Variants in MBP observed in about 807,000 individuals in gnomAD.
The protein encoded by MBP is myelin basic protein.
Under a neutral mutation model 35.8 loss-of-function variants are expected in MBP, and 16 were observed. The ratio of observed to expected loss-of-function variants is 0.45; its 90% CI spans 0.30 to 0.68. The LOEUF is 0.68. Ranked by LOEUF, MBP falls within the 30% of genes least tolerant of loss-of-function variation. The probability of loss-of-function intolerance (pLI) is 0.08; values close to 1 mark genes in which losing one functional copy is unlikely to be tolerated. For synonymous variants in MBP, 143 were observed against 159.6 expected, an observed-to-expected ratio of 0.90 and a Z score of 0.78; for missense variants, 380 against 404.7, an observed-to-expected ratio of 0.94 and a Z score of 0.52.
At chr18:77,030,850 G>A (rs1168871075) in intron 3 of MBP, among the ~76,000 whole-genome samples, 1 of 152,204 alleles carries the variant, frequency 6.6e-6, no homozygotes, top group Non-Finnish European at 1.5e-5. Flanking sequence ...CTAGATTCCT[G>A]TAACTGACCC....
At chr18:77,025,154 G>GT (rs1192094136) in intron 3 of MBP, among the ~76,000 whole-genome samples, 1 of 152,170 alleles carries the variant, frequency 6.6e-6, no homozygotes, top group Non-Finnish European at 1.5e-5. Context: ...AACTCCCTCC[G>GT]TATGTTCTAG....
chr18:77,093,903 C>T (rs1258288993), intron 2 of MBP, among the ~76,000 whole-genome samples: 2 of 152,180 alleles, frequency 1.3e-5, no homozygotes, highest in African/African-American at 4.8e-5. Flanking sequence ...TCAAGTCAGA[C>T]ATGGCTCCAT....
rs1048307794 is a variant in MBP at position 76,988,698 on chromosome 18, G to A, written c.718-171C>T. Reference sequence around the variant, plus strand: ...AGGGCCACAGCGGCTGTGCAGGTGCGGGAGGGACAGGAGGGGTGCATGGAT... The same window carrying A: ...AGGGCCACAGCGGCTGTGCAGGTGCAGGAGGGACAGGAGGGGTGCATGGAT... On this transcript the variant is annotated intron_variant, in intron 6 of 8. Transcript: ENST00000355994. The surrounding 1 kb of genome is among the most constrained non-coding windows in gnomAD (Gnocchi z 5.2). The A allele has an allele frequency of 2.2e-6, 3 of 1,376,942 alleles. No individual in the cohort carries two copies. Among genetic ancestry groups the A allele is most frequent in the Admixed American group, 2.2e-5 (1 of 45,772 alleles). 85.3% of individuals were successfully genotyped at this position (1,376,942 alleles called of 1,614,324 possible). A position where few individuals can be genotyped will look rare whatever the true frequency, so the allele number is the denominator to read the frequency against.
At chr18:77,079,183 C>T (rs1974784387) in intron 2 of MBP, among the ~76,000 whole-genome samples, 1 of 152,232 alleles carries the variant, frequency 6.6e-6, no homozygotes, top group African/African-American at 2.4e-5. Context: ...CCAGGGGTAG[C>T]AGGCCTAGGA....
chr18:76,980,688 G>T (rs895281577), intron 8 of MBP: 83 of 564,546 alleles, frequency 1.5e-4, no homozygotes, highest in African/African-American at 1.3e-3. Flanking sequence ...AGAGAGAACT[G>T]GAATCGGATT....
At chr18:77,095,310 T>C (rs1975711619) in intron 2 of MBP, 1 of 152,240 alleles carries the variant, frequency 6.6e-6, no homozygotes, top group South Asian at 2.1e-4. Flanking sequence ...TAAACATATA[T>C]TAAATGGCCA....
At chr18:77,072,433 A>C (rs2098836682) in intron 2 of MBP, among the ~76,000 whole-genome samples, 1 of 152,244 alleles carries the variant, frequency 6.6e-6, no homozygotes, top group African/African-American at 2.4e-5. Context: ...TTCGCATGAC[A>C]GCCAAGACCT....
At chr18:77,025,519 C>T (rs12604625) in intron 3 of MBP, among the ~76,000 whole-genome samples, 37,911 of 151,860 alleles carry the variant, frequency 0.25, 5,813 homozygotes, top group Non-Finnish European at 0.33. Context: ...AACACCCACC[C>T]GACAGTCTGT....
intron 8 of MBP, chr18:76,983,963 T>TCTC (rs1274862064): frequency 6.6e-6 from 1 of 152,222 alleles, no homozygotes; most frequent in Non-Finnish European, 1.5e-5. Flanking sequence ...AGAAGCCTGG[T>TCTC]CTCCTCCAGG....
chr18:77,027,738 A>G (rs551174736), intron 3 of MBP, among the ~76,000 whole-genome samples: 2 of 152,324 alleles, frequency 1.3e-5, no homozygotes, highest in South Asian at 4.1e-4. Flanking sequence ...CCCATGCTGG[A>G]GTGCAGTGGC....
intron 7 of MBP, chr18:76,986,195 G>A (rs2123095439): frequency 2.0e-6 from 2 of 985,530 alleles, no homozygotes; most frequent in Non-Finnish European, 2.4e-6. Context: ...TCTACTCAAT[G>A]GACAGGGTCC....
At chr18:77,052,560 A>T (rs13381108) in intron 3 of MBP, among the ~76,000 whole-genome samples, 9,785 of 152,194 alleles carry the variant, frequency 0.064, 1,008 homozygotes, top group African/African-American at 0.22. Context: ...GCATTTTTAT[A>T]TTTGAAGGCC....
intron 4 of MBP, among the ~76,000 whole-genome samples, chr18:77,009,288 A>C (rs1971189580): frequency 6.6e-6 from 1 of 152,232 alleles, no homozygotes; most frequent in Non-Finnish European, 1.5e-5. Context: ...CAAGGAGAAG[A>C]GGACAGGCCA....
At chr18:77,110,356 C>G (rs1976408210) in intron 1 of MBP, 1 of 152,344 alleles carries the variant, frequency 6.6e-6, no homozygotes, top group Non-Finnish European at 1.5e-5. Context: ...TAGAAACACA[C>G]ATTCTTGGGC....
At chr18:77,047,397 A>T (rs560768335) in intron 3 of MBP, among the ~76,000 whole-genome samples, 1 of 152,356 alleles carries the variant, frequency 6.6e-6, no homozygotes, top group Admixed American at 6.5e-5. Flanking sequence ...AACACCACGC[A>T]TTTACAGGAA....
chr18:77,121,668 A>AC (rs1976888357), intron 1 of MBP, among the ~76,000 whole-genome samples: 1 of 152,264 alleles, frequency 6.6e-6, no homozygotes, highest in South Asian at 2.1e-4. Context: ...TGCCTTTCAT[A>AC]CAGCAATCTA....
intron 2 of MBP, among the ~76,000 whole-genome samples, chr18:77,067,621 G>A (rs1377899672): frequency 1.3e-5 from 2 of 152,178 alleles, no homozygotes; most frequent in Non-Finnish European, 2.9e-5. Context: ...CTGAGCGGGC[G>A]TCAGTGCTGT....
At chr18:77,025,844 C>CCA (rs1041728001) in intron 3 of MBP, among the ~76,000 whole-genome samples, 4 of 152,116 alleles carry the variant, frequency 2.6e-5, no homozygotes, top group African/African-American at 9.7e-5. Context: ...CAGGCACACC[C>CCA]CACACCCTGA....
At position 77,116,361 on chromosome 18, in the gene MBP, G is replaced by A. The variant is rs909022088; in HGVS notation, c.-25-11075C>T. Among the ~76,000 whole-genome samples, 7 of 152,172 alleles carry A rather than the reference G, an allele frequency of 4.6e-5. No homozygotes were observed. In the East Asian group the frequency reaches 9.6e-4, roughly 21 times the overall value. On this transcript the variant is annotated intron_variant, in intron 1 of 8. Coordinates refer to ENST00000355994, the MANE Select transcript of MBP (RefSeq NM_001025101.2). ...TTTTACCGGGTGAGTCCTTAACTTC[G>A]CAGGACACATTAGAAAGACAAAGGA...
Sources: gnomAD v4.1 joint callset for allele counts (sites outside exome capture counted in the v4.1 genomes callset) on GRCh38, gnomAD v4.1.1 for gene constraint, Gnocchi (gnomAD v3.1) non-coding constraint, MANE v1.5 for transcripts, NCBI Gene and HGNC (gene_info 2026-07-23, HGNC 2026-07-21) for gene names.